The following MAF variants were observed in gnomAD, a reference collection of about 807,000 sequenced individuals.
The protein encoded by MAF is transcription factor Maf.
MAF carries 10 observed loss-of-function variants against 22.0 expected under a neutral mutation model. That is an observed-to-expected ratio of 0.45 (90% CI 0.28 to 0.77). The LOEUF (loss-of-function observed/expected upper bound fraction) is 0.77. Among genes scored for constraint, MAF ranks in the 30% least tolerant of loss-of-function variants. The probability of loss-of-function intolerance (pLI) is 0.12; values close to 1 mark genes in which losing one functional copy is unlikely to be tolerated. For missense variants in MAF, 544 were observed against 548.4 expected (o/e 0.99, Z 0.08); for synonymous variants, 337 against 255.8 (o/e 1.32, Z -3.03).
chr16:79,487,924 GA>G, the MAF span, among the ~76,000 whole-genome samples: 3 of 152,206 alleles, frequency 2.0e-5, no homozygotes, highest in African/African-American at 7.2e-5. Flanking sequence ...CCACGCAGGG[GA>G]TAAGGCCCTG....
At chr16:79,496,790 G>C in the MAF span, among the ~76,000 whole-genome samples, 1 of 152,164 alleles carries the variant, frequency 6.6e-6, no homozygotes, top group East Asian at 1.9e-4. Context: ...ATGATATCTA[G>C]TGTTCTTCAA....
At chr16:79,513,280 G>A in the MAF span, among the ~76,000 whole-genome samples, 1 of 152,254 alleles carries the variant, frequency 6.6e-6, no homozygotes, top group Non-Finnish European at 1.5e-5. Context: ...TACAGCCACA[G>A]AAACATGATT....
chr16:79,343,322 G>A, the MAF span, among the ~76,000 whole-genome samples: 1 of 151,966 alleles, frequency 6.6e-6, no homozygotes, highest in Non-Finnish European at 1.5e-5. Flanking sequence ...GCATAGAAGA[G>A]GACTTCCTAT....
At chr16:79,484,759 G>A in the MAF span, among the ~76,000 whole-genome samples, 4 of 152,250 alleles carry the variant, frequency 2.6e-5, no homozygotes, top group African/African-American at 4.8e-5. Context: ...CGGTGGAGCA[G>A]CTGGCAGCTG....
At chr16:79,581,404 G>A (rs937520105), downstream of MAF, among the ~76,000 whole-genome samples, 1 of 152,258 alleles carries the variant, frequency 6.6e-6, no homozygotes, top group East Asian at 1.9e-4. Flanking sequence ...TTTGCAGAGG[G>A]GGGAGTCAAC....
the MAF span, among the ~76,000 whole-genome samples, chr16:79,441,141 A>G: frequency 1.3e-5 from 2 of 152,232 alleles, no homozygotes; most frequent in Admixed American, 6.5e-5. Context: ...TTTATTCCCC[A>G]TCTTGAAAAC....
the MAF span, among the ~76,000 whole-genome samples, chr16:79,209,892 A>C: frequency 6.6e-6 from 1 of 152,258 alleles, no homozygotes; most frequent in Admixed American, 6.5e-5. Flanking sequence ...TTTGGATGAC[A>C]TGAACTCATT....
chr16:79,500,571 G>C, the MAF span, among the ~76,000 whole-genome samples: 8 of 152,090 alleles, frequency 5.3e-5, no homozygotes, highest in African/African-American at 1.7e-4. Context: ...TAGAGATTAT[G>C]AGCTTGACTG....
chr16:79,345,369 A>G, the MAF span, among the ~76,000 whole-genome samples: 1 of 152,216 alleles, frequency 6.6e-6, no homozygotes, highest in Non-Finnish European at 1.5e-5. Flanking sequence ...AGAATTTTCT[A>G]AAATAATAAC....
rs1913772860 is a variant in MAF, at chr16:79,598,896, C to G, written c.1007G>C (p.Arg336Thr). Residue 336 changes from arginine (R) to threonine (T), a missense_variant, in exon 1 of 2, where the codon AGG becomes ACG. By Grantham distance (71) the Arg-to-Thr change is moderately conservative. Coordinates refer to ENST00000326043, the MANE Select transcript of MAF (RefSeq NM_005360.5). ...GTACGCGTCCCTCTCGCGCACCAGC[C>G]TGGAGATCTCCTGCTTGAGGTGGTC... Reference protein sequence around the residue: ...QVDHLKQEISRLVRERDAYKE... With the variant: ...QVDHLKQEISTLVRERDAYKE... 1.9e-6 allele frequency: 3 copies of G among 1,613,686 alleles called. No individual in the cohort carries two copies. Among genetic ancestry groups the G allele is most frequent in the Non-Finnish European group, 2.5e-6 (3 of 1,179,994 alleles).
chr16:79,216,264 T>C, the MAF span, among the ~76,000 whole-genome samples: 1 of 151,944 alleles, frequency 6.6e-6, no homozygotes, highest in Admixed American at 6.5e-5. Flanking sequence ...CATGCACAAA[T>C]ATGTGTGCCA....
chr16:79,398,560 A>G, the MAF span, among the ~76,000 whole-genome samples: 2 of 152,152 alleles, frequency 1.3e-5, no homozygotes, highest in Non-Finnish European at 2.9e-5. Flanking sequence ...GAGACGGAGT[A>G]TCCTAGAGAT....
At chr16:79,559,174 C>T in the MAF span, among the ~76,000 whole-genome samples, 2 of 152,112 alleles carry the variant, frequency 1.3e-5, no homozygotes, top group Non-Finnish European at 2.9e-5. Context: ...CCGGCTTGCA[C>T]CATCAAGAAG....
At chr16:79,227,257 A>T in the MAF span, among the ~76,000 whole-genome samples, 1 of 151,950 alleles carries the variant, frequency 6.6e-6, no homozygotes, top group Non-Finnish European at 1.5e-5. Flanking sequence ...AGGCTGAGGT[A>T]GGGGGATCGC....
the MAF span, among the ~76,000 whole-genome samples, chr16:79,416,316 T>C: frequency 2.0e-5 from 3 of 152,168 alleles, no homozygotes; most frequent in Non-Finnish European, 4.4e-5. Flanking sequence ...CCATGAGTTA[T>C]TGGGAAGCGT....
downstream of MAF, among the ~76,000 whole-genome samples, chr16:79,590,497 C>G (rs1396427269): frequency 2.0e-5 from 3 of 152,150 alleles, no homozygotes; most frequent in African/African-American, 7.2e-5. Context: ...TTTTGAGGCT[C>G]TTTCATGGCC....
At chr16:79,430,812 C>G in the MAF span, among the ~76,000 whole-genome samples, 8 of 152,346 alleles carry the variant, frequency 5.3e-5, no homozygotes, top group African/African-American at 1.9e-4. Flanking sequence ...CATAGCTTTT[C>G]TGTGTTTTGC....
the MAF span, among the ~76,000 whole-genome samples, chr16:79,294,177 C>G: frequency 6.6e-6 from 1 of 152,120 alleles, no homozygotes; most frequent in African/African-American, 2.4e-5. Context: ...GGGATAATGT[C>G]AGGGTCATTC....
the MAF span, among the ~76,000 whole-genome samples, chr16:79,365,371 A>C: frequency 6.6e-6 from 1 of 152,166 alleles, no homozygotes; most frequent in African/African-American, 2.4e-5. Context: ...TGGATTCCTG[A>C]CTAGAAAGTG....
Sources: gnomAD v4.1 joint callset for allele counts (sites outside exome capture counted in the v4.1 genomes callset) on GRCh38, gnomAD v4.1.1 for gene constraint, MANE v1.5 for transcripts, NCBI Gene and HGNC (gene_info 2026-07-23, HGNC 2026-07-21) for gene names.